The following ARL15 variants were observed in gnomAD, a reference collection of about 807,000 sequenced individuals.
The protein encoded by ARL15 is ADP-ribosylation factor-like protein 15.
Under a neutral mutation model 25.2 loss-of-function variants are expected in ARL15, and 19 were observed. The observed-to-expected ratio is 0.75, with a 90% CI of 0.53 to 1.10. ARL15 has a LOEUF of 1.10. Among genes scored for constraint, ARL15 ranks in the 50% least tolerant of loss-of-function variants. ARL15 has a pLI of 0.00. For missense variants in ARL15, 220 were observed against 246.0 expected, an observed-to-expected ratio of 0.89 and a Z score of 0.71; for synonymous variants, 94 against 86.8, an observed-to-expected ratio of 1.08 and a Z score of -0.46.
intron 3 of ARL15, among the ~76,000 whole-genome samples, chr5:54,133,762 C>G (rs1753510933): frequency 6.6e-6 from 1 of 151,984 alleles, no homozygotes; most frequent in African/African-American, 2.4e-5. Flanking sequence ...TTCAACCTAA[C>G]AATTGGAAGA....
chr5:53,910,633 TTATATATATATATATATATA>T (rs70986649), intron 4 of ARL15, among the ~76,000 whole-genome samples: 7 of 55,004 alleles, frequency 1.3e-4, no homozygotes, highest in African/African-American at 4.4e-4. Context: ...TAAAAAAAAA[TTATATATATATATATATATA>T]TATATATATA....
chr5:53,888,507 C>G (rs1312032033), intron 4 of ARL15, among the ~76,000 whole-genome samples: 1 of 152,172 alleles, frequency 6.6e-6, no homozygotes, highest in African/African-American at 2.4e-5. Context: ...TGGTCTTGAA[C>G]TCCTAAGCTC....
At chr5:53,893,478 G>A (rs1016305331) in intron 4 of ARL15, among the ~76,000 whole-genome samples, 1 of 152,066 alleles carries the variant, frequency 6.6e-6, no homozygotes, top group Non-Finnish European at 1.5e-5. Context: ...CGTGGTGGTG[G>A]GCGCCTGTAG....
At chr5:54,307,528 T>C (rs1758786741) in intron 1 of ARL15, among the ~76,000 whole-genome samples, 1 of 152,216 alleles carries the variant, frequency 6.6e-6, no homozygotes, top group Non-Finnish European at 1.5e-5. Context: ...ATTAAAGTAC[T>C]ATCCCTGTCC....
At chr5:54,102,578 T>G (rs1346957878) in intron 4 of ARL15, among the ~76,000 whole-genome samples, 1 of 152,276 alleles carries the variant, frequency 6.6e-6, no homozygotes, top group Admixed American at 6.5e-5. Context: ...TTCAGTCTTC[T>G]CTTCAATGAA....
intron 1 of ARL15, among the ~76,000 whole-genome samples, chr5:54,287,875 C>T (rs1758222291): frequency 6.6e-6 from 1 of 152,116 alleles, no homozygotes; most frequent in African/African-American, 2.4e-5. Context: ...ATGGTGTGGC[C>T]TAGCAGGAAG....
intron 1 of ARL15, among the ~76,000 whole-genome samples, chr5:54,290,576 G>A (rs1039262517): frequency 3.3e-5 from 5 of 151,988 alleles, no homozygotes; most frequent in Admixed American, 1.3e-4. Flanking sequence ...AAAGTGCTGG[G>A]ATTACAGGCA....
At chr5:53,963,836 CACACACACACACAT>C (rs1258568927) in intron 4 of ARL15, among the ~76,000 whole-genome samples, 6 of 151,148 alleles carry the variant, frequency 4.0e-5, no homozygotes, top group African/African-American at 1.5e-4. Context: ...CACACACACA[CACACACACACACAT>C]ACACAGAGTA....
chr5:54,148,966 T>A (rs960114603), intron 3 of ARL15, among the ~76,000 whole-genome samples: 3 of 152,208 alleles, frequency 2.0e-5, no homozygotes, highest in Non-Finnish European at 4.4e-5. Context: ...GAAACCTGTT[T>A]GTAAATTTAA....
intron 4 of ARL15, among the ~76,000 whole-genome samples, chr5:53,909,170 G>GA (rs35009910): frequency 1.3e-5 from 2 of 151,840 alleles, no homozygotes; most frequent in South Asian, 2.1e-4. Context: ...TGGCTCCACT[G>GA]AAAAAAATCA....
chr5:54,231,687 G>A (rs1397720125), intron 1 of ARL15, among the ~76,000 whole-genome samples: 4 of 152,130 alleles, frequency 2.6e-5, no homozygotes, highest in Non-Finnish European at 5.9e-5. Flanking sequence ...GTTTGAGAGG[G>A]TTCAGTTTCT....
At chr5:53,948,426 T>A (rs1439754628) in intron 4 of ARL15, among the ~76,000 whole-genome samples, 2 of 152,242 alleles carry the variant, frequency 1.3e-5, no homozygotes, top group South Asian at 4.1e-4. Flanking sequence ...CTGATGTCTA[T>A]TTTGAAGTGT....
At chr5:53,919,845 G>A (rs1745788299) in intron 4 of ARL15, among the ~76,000 whole-genome samples, 1 of 152,164 alleles carries the variant, frequency 6.6e-6, no homozygotes, top group South Asian at 2.1e-4. Context: ...TATCAGAGCT[G>A]TGCAACTTGA....
chr5:54,307,639 T>A (rs544698164), intron 1 of ARL15, among the ~76,000 whole-genome samples: 2 of 152,316 alleles, frequency 1.3e-5, no homozygotes, highest in Non-Finnish European at 1.5e-5. Context: ...CTCAATCTTA[T>A]TAAAAGGATT....
intron 4 of ARL15, among the ~76,000 whole-genome samples, chr5:53,913,027 T>C (rs1006084543): frequency 2.6e-5 from 4 of 152,188 alleles, no homozygotes; most frequent in African/African-American, 9.7e-5. Context: ...AGGCCAGGCA[T>C]GCTGGCTCAC....
At chr5:54,072,943 T>C (rs1002579177) in intron 4 of ARL15, among the ~76,000 whole-genome samples, 2 of 152,312 alleles carry the variant, frequency 1.3e-5, no homozygotes, top group Non-Finnish European at 2.9e-5. Flanking sequence ...GAAATACATA[T>C]GGCCCTCAGG....
intron 3 of ARL15, 60 bp downstream of exon 3, chr5:54,154,520 C>T (rs1754163179): frequency 4.7e-6 from 5 of 1,064,936 alleles, no homozygotes; most frequent in Non-Finnish European, 6.8e-6. Flanking sequence ...ACATATAATA[C>T]ATTATTACCA....
intron 4 of ARL15, among the ~76,000 whole-genome samples, chr5:53,950,906 C>T (rs1004851738): frequency 2.6e-5 from 4 of 152,196 alleles, no homozygotes; most frequent in African/African-American, 9.6e-5. Flanking sequence ...TAAGAAATAA[C>T]AGCATCTGTT....
chr5:54,159,538 A>C (rs1754341305), intron 2 of ARL15, among the ~76,000 whole-genome samples: 1 of 152,196 alleles, frequency 6.6e-6, no homozygotes, highest in African/African-American at 2.4e-5. Flanking sequence ...ATTTATATTA[A>C]ACAAGGAGAA....
Sources: allele counts gnomAD v4.1 joint callset (sites outside exome capture counted in the v4.1 genomes callset), GRCh38; gene constraint gnomAD v4.1.1; transcripts MANE v1.5; gene names NCBI Gene and HGNC (gene_info 2026-07-23, HGNC 2026-07-21).